The following TRPC7 variants were observed in gnomAD, a reference collection of about 807,000 sequenced individuals.
TRPC7 encodes short transient receptor potential channel 7.
In TRPC7, 42 loss-of-function variants were observed where a neutral mutation model predicts 90.1. The observed-to-expected ratio is 0.47, with a 90% CI of 0.36 to 0.60. The LOEUF is 0.60. TRPC7 is among the 20% of genes least tolerant of loss of function. The pLI, the probability that TRPC7 is intolerant of heterozygous loss-of-function variation, is 0.00. For synonymous variants in TRPC7, 451 were observed against 436.3 expected (o/e 1.03, Z -0.42); for missense variants, 955 against 1,112.3 (o/e 0.86, Z 2.01).
At chr5:136,362,977 G>A (rs1309990787) in intron 1 of TRPC7, among the ~76,000 whole-genome samples, 1 of 152,120 alleles carries the variant, frequency 6.6e-6, no homozygotes, top group African/African-American at 2.4e-5. Context: ...CACTGGAGCT[G>A]TTGGTGTTTA....
chr5:136,315,485 T>G lies in TRPC7; in HGVS notation c.963+112A>C, dbSNP rs535859433. On this transcript the variant is annotated intron_variant, in intron 3 of 11. Transcript: ENST00000513104. ...GCTCCCTGTCTAAAGAGAATCTGGG[T>G]GTCATCATGGTCACCCTGTGGGAAC... 14 of 1,134,776 alleles carry G rather than the reference T, an allele frequency of 1.2e-5. No homozygotes were observed. The Admixed American group carries it at 2.5e-4, about 20-fold the overall frequency. 70.3% of individuals were successfully genotyped at this position (1,134,776 alleles called of 1,614,324 possible). A position where few individuals can be genotyped will look rare whatever the true frequency, so the allele number is the denominator to read the frequency against.
At chr5:136,352,320 T>A (rs1760218896) in intron 2 of TRPC7, among the ~76,000 whole-genome samples, 2 of 152,132 alleles carry the variant, frequency 1.3e-5, no homozygotes, top group African/African-American at 4.8e-5. Flanking sequence ...TTTCCATAAC[T>A]CAGTTGGAAG....
chr5:136,256,680 T>C (rs113338065), intron 5 of TRPC7, among the ~76,000 whole-genome samples: 21 of 152,338 alleles, frequency 1.4e-4, no homozygotes, highest in African/African-American at 5.1e-4. Flanking sequence ...CTCATAAAGT[T>C]TGGGTCATAT....
At chr5:136,265,609 G>A (rs1180990777) in intron 5 of TRPC7, among the ~76,000 whole-genome samples, 1 of 152,052 alleles carries the variant, frequency 6.6e-6, no homozygotes, top group Admixed American at 6.6e-5. Context: ...TTGGGTAAAA[G>A]ACAGCCTTTC....
At chr5:136,337,199 G>C (rs1033787633) in intron 2 of TRPC7, among the ~76,000 whole-genome samples, 5 of 152,152 alleles carry the variant, frequency 3.3e-5, no homozygotes, top group African/African-American at 1.2e-4. Flanking sequence ...TCAAATATTT[G>C]CTTTGGGTGA....
At chr5:136,304,531 C>G (rs1335537352) in intron 3 of TRPC7, among the ~76,000 whole-genome samples, 1 of 152,188 alleles carries the variant, frequency 6.6e-6, no homozygotes, top group Non-Finnish European at 1.5e-5. Context: ...ATACCTCCCT[C>G]TACTACCCAT....
chr5:136,320,899 T>C (rs902093536), intron 2 of TRPC7, among the ~76,000 whole-genome samples: 2 of 152,238 alleles, frequency 1.3e-5, no homozygotes, highest in African/African-American at 4.8e-5. Context: ...GTTTTCTTCA[T>C]AGTACTTATG....
intron 3 of TRPC7, among the ~76,000 whole-genome samples, chr5:136,290,198 A>G (rs985191343): frequency 6.6e-6 from 1 of 152,210 alleles, no homozygotes; most frequent in African/African-American, 2.4e-5. Context: ...GGGAAAAAAC[A>G]GAGCAGAAAA....
At chr5:136,362,410 T>C (rs1277571293) in intron 1 of TRPC7, among the ~76,000 whole-genome samples, 1 of 152,058 alleles carries the variant, frequency 6.6e-6, no homozygotes, top group Non-Finnish European at 1.5e-5. Flanking sequence ...TAAAGACAAA[T>C]GGCAATGTAA....
At chr5:136,345,105 C>A (rs1359698701) in intron 2 of TRPC7, among the ~76,000 whole-genome samples, 2 of 152,018 alleles carry the variant, frequency 1.3e-5, no homozygotes, top group Admixed American at 1.3e-4. Flanking sequence ...TTAAATATAT[C>A]AAAAAGGTTG....
chr5:136,287,224 A>C (rs191996789), intron 3 of TRPC7, among the ~76,000 whole-genome samples: 4 of 152,076 alleles, frequency 2.6e-5, no homozygotes, highest in Non-Finnish European at 1.5e-5. Flanking sequence ...CCACCTCTTT[A>C]GGAGGTGGCC....
chr5:136,260,031 A>G (rs1756805488), intron 5 of TRPC7, among the ~76,000 whole-genome samples: 1 of 152,244 alleles, frequency 6.6e-6, no homozygotes, highest in Non-Finnish European at 1.5e-5. Context: ...GAAAGGAAGA[A>G]GGTATTTCCA....
rs368799815 is a variant in TRPC7, at chr5:136,301,332, A to ATTTT, written c.963+14261_963+14264dup. Among the ~76,000 whole-genome samples, 176 of 85,688 alleles carry ATTTT rather than the reference A, an allele frequency of 2.1e-3. 10 individuals carry two copies. The highest frequency in any genetic ancestry group is 0.02 in the East Asian group (50 of 2,452). The allele number at this position is 85,688 out of a possible 152,430, so 56.2% of individuals were successfully genotyped here. ...TTGAGCCACTGCACCCAGCCCAGGCATTTTTTTTTTTTTTTTTTTTTTTTT... is the reference window on the plus strand; with the variant it reads ...TTGAGCCACTGCACCCAGCCCAGGCATTTTTTTTTTTTTTTTTTTTTTTTTTTTT... On this transcript the variant is annotated intron_variant, in intron 3 of 11. Transcript: ENST00000513104.
At chr5:136,307,912 T>G (rs1758699357) in intron 3 of TRPC7, among the ~76,000 whole-genome samples, 1 of 152,194 alleles carries the variant, frequency 6.6e-6, no homozygotes, top group Non-Finnish European at 1.5e-5. Context: ...GTTCTAAACA[T>G]TAACTATTAT....
intron 1 of TRPC7, among the ~76,000 whole-genome samples, chr5:136,357,827 G>A (rs547307378): frequency 6.6e-6 from 1 of 152,312 alleles, no homozygotes; most frequent in African/African-American, 2.4e-5. Flanking sequence ...TGCAGAGTCT[G>A]TAGGAGGATT....
intron 2 of TRPC7, among the ~76,000 whole-genome samples, chr5:136,321,574 A>C (rs1481646021): frequency 6.6e-6 from 1 of 152,194 alleles, no homozygotes; most frequent in Non-Finnish European, 1.5e-5. Flanking sequence ...AAATAACAAG[A>C]TAAAAACTTA....
At chr5:136,237,167 T>C (rs1437705810) in intron 7 of TRPC7, among the ~76,000 whole-genome samples, 1 of 152,202 alleles carries the variant, frequency 6.6e-6, no homozygotes, top group Non-Finnish European at 1.5e-5. Flanking sequence ...CATCCCTTCC[T>C]TGGCCCTGCA....
intron 3 of TRPC7, among the ~76,000 whole-genome samples, chr5:136,310,308 T>G (rs1346376577): frequency 6.7e-6 from 1 of 150,196 alleles, no homozygotes; most frequent in Non-Finnish European, 1.5e-5. Flanking sequence ...TTTCAGTGAG[T>G]GAATGAATAA....
intron 6 of TRPC7, among the ~76,000 whole-genome samples, chr5:136,249,640 T>C (rs1333507898): frequency 1.3e-5 from 2 of 152,344 alleles, no homozygotes; most frequent in Non-Finnish European, 2.9e-5. Context: ...CAGATCCTGG[T>C]GACTAGGTCA....
Sources: gnomAD v4.1 joint callset for allele counts (sites outside exome capture counted in the v4.1 genomes callset) on GRCh38, gnomAD v4.1.1 for gene constraint, MANE v1.5 for transcripts, NCBI Gene and HGNC (gene_info 2026-07-23, HGNC 2026-07-21) for gene names.